SSH2: variants seen among roughly 807,000 people sequenced by gnomAD.
The protein encoded by SSH2 is protein phosphatase Slingshot homolog 2.
A neutral mutation model predicts 135.2 loss-of-function variants in SSH2; 37 were observed. The observed-to-expected ratio is 0.27, with a 90% CI of 0.21 to 0.36. The LOEUF (loss-of-function observed/expected upper bound fraction) is 0.36. Among genes scored for constraint, SSH2 ranks in the 10% least tolerant of loss-of-function variants. The pLI is 1.00. For missense variants in SSH2, 1,408 were observed against 1,765.3 expected, an observed-to-expected ratio of 0.80 and a Z score of 3.63; for synonymous variants, 628 against 646.2, an observed-to-expected ratio of 0.97 and a Z score of 0.43.
chr17:29,872,824 C>A (rs2065961193), intron 1 of SSH2, among the ~76,000 whole-genome samples: 1 of 151,812 alleles, frequency 6.6e-6, no homozygotes, highest in South Asian at 2.1e-4. Flanking sequence ...GGTGAAACCC[C>A]ATCTCTACTA....
intron 7 of SSH2, among the ~76,000 whole-genome samples, 179 bp downstream of exon 7, chr17:29,677,494 C>A (rs79008148): frequency 2.0e-5 from 3 of 152,044 alleles, no homozygotes; most frequent in African/African-American, 7.2e-5. Context: ...AGTGAGAGAC[C>A]CTGGCAAGTT....
chr17:29,864,873 C>T (rs540863196), intron 1 of SSH2, among the ~76,000 whole-genome samples: 119 of 152,306 alleles, frequency 7.8e-4, no homozygotes, highest in African/African-American at 2.8e-3. Flanking sequence ...GGCCCCACCC[C>T]TGATCTACCA....
At position 29,650,718 on chromosome 17, in the gene SSH2, C is replaced by T; in HGVS notation, c.1162G>A (p.Asp388Asn). 1 of 1,613,982 alleles carries T rather than the reference C, an allele frequency of 6.2e-7. No individual in the cohort carries two copies. The highest frequency in any genetic ancestry group is 8.5e-7 in the Non-Finnish European group (1 of 1,179,942). ...VFEYHNIRVY[D>N]EEATDLLAYW... ...GCCAGGAGATCCGTTGCCTCTTCATCATATACCCGAATGTTATGATACTCA... is the reference window on the plus strand; with the variant it reads ...GCCAGGAGATCCGTTGCCTCTTCATTATATACCCGAATGTTATGATACTCA... The change falls in exon 13 of 16, where the codon GAT becomes AAT. Residue 388 changes from aspartate (D) to asparagine (N), a missense_variant. Asp to Asn is a conservative substitution (Grantham distance 23, BLOSUM62 1). Around this residue, in one of 3 missense-constraint regions of SSH2, gnomAD observed 106 missense variants for 265.2 expected, o/e 0.40. Coordinates refer to ENST00000540801, the MANE Select transcript of SSH2 (RefSeq NM_001282129.2).
chr17:29,831,574 T>C (rs911022197), intron 2 of SSH2, among the ~76,000 whole-genome samples: 2 of 150,856 alleles, frequency 1.3e-5, no homozygotes, highest in Non-Finnish European at 3.0e-5. Context: ...CAACTGTTTA[T>C]CTTTTTTTTT....
chr17:29,702,838 T>G, intron 4 of SSH2, 121 bp downstream of exon 4: 2 of 845,570 alleles, frequency 2.4e-6, no homozygotes, highest in Non-Finnish European at 3.9e-6. Context: ...TACGGCCCTG[T>G]ACAATGCTTT....
intron 2 of SSH2, among the ~76,000 whole-genome samples, chr17:29,796,262 A>T (rs2042154029): frequency 6.6e-6 from 1 of 152,078 alleles, no homozygotes; most frequent in African/African-American, 2.4e-5. Flanking sequence ...TCATTTTATT[A>T]TTTAAAAAAT....
chr17:29,654,492 T>C (rs141171454), intron 12 of SSH2, among the ~76,000 whole-genome samples: 6 of 152,330 alleles, frequency 3.9e-5, no homozygotes, highest in South Asian at 2.1e-4. Flanking sequence ...AGGAGGCTTA[T>C]GGCTGAGAAA....
intron 1 of SSH2, among the ~76,000 whole-genome samples, chr17:29,872,578 G>T (rs567388059): frequency 6.6e-6 from 1 of 151,978 alleles, no homozygotes; most frequent in East Asian, 1.9e-4. Flanking sequence ...AACACAGCAA[G>T]ACCCCCATCT....
chr17:29,642,217 G>C (rs761544691), intron 14 of SSH2, among the ~76,000 whole-genome samples: 1 of 152,036 alleles, frequency 6.6e-6, no homozygotes, highest in African/African-American at 2.4e-5. Flanking sequence ...TGACCAATGT[G>C]CATCAGCTAA....
intron 11 of SSH2, among the ~76,000 whole-genome samples, 198 bp downstream of exon 11, chr17:29,666,669 C>T (rs763828453): frequency 2.6e-5 from 4 of 152,050 alleles, no homozygotes; most frequent in Admixed American, 6.6e-5. Context: ...GGCGACAGAG[C>T]GAGACTGTCA....
Position 29,631,298 on chromosome 17 carries a change from C to A in SSH2, c.3896G>T (p.Cys1299Phe), listed in dbSNP as rs111415381. 7 of 1,614,184 alleles carry A rather than the reference C, an allele frequency of 4.3e-6. No individual in the cohort carries two copies. Among genetic ancestry groups the A allele is most frequent in the African/African-American group, 4.0e-5 (3 of 75,042 alleles). ...KLGYLDLCKD[C>F]LPEREPASCE... ...GGAGGCAGGCTCCCTCTCTGGTAAG[C>A]AGTCTTTACAGAGGTCCAAGTAACC... The change falls in exon 16 of 16, where the codon TGC becomes TTC. Residue 1299 changes from cysteine (C) to phenylalanine (F), a missense_variant. Around this residue, in one of 3 missense-constraint regions of SSH2, gnomAD observed 1,080 missense variants for 1,144.5 expected, o/e 0.94. Transcript: ENST00000540801.
chr17:29,668,143 A>G (rs2037352329), intron 9 of SSH2, among the ~76,000 whole-genome samples: 1 of 152,192 alleles, frequency 6.6e-6, no homozygotes, highest in African/African-American at 2.4e-5. Flanking sequence ...AAATGGACTA[A>G]GCTTTCAGGC....
Position 29,632,929 on chromosome 17 carries a change from T to C in SSH2, c.2265A>G (p.Ala755=), listed in dbSNP as rs746328623. Residue 755 remains alanine (A), a splice_region_variant and synonymous_variant, in exon 16 of 16, where the codon GCA becomes GCG. Transcript: ENST00000540801. ...TGTCTGGGCTGACCAGTTCTGAAAT[T>C]GCCTAAGAAGAGAAAGTAGTGAGAA... ...ESSMDEEQSK[A]ISELVSPDIF... is the part of the protein sequence containing the mutation. The C allele has an allele frequency of 1.7e-5, 27 of 1,595,642 alleles. 2 individuals carry two copies. In the Admixed American group the frequency reaches 4.7e-4, roughly 28 times the overall value.
chr17:29,836,602 T>G (rs1181437203), intron 2 of SSH2, among the ~76,000 whole-genome samples: 1 of 152,230 alleles, frequency 6.6e-6, no homozygotes, highest in Non-Finnish European at 1.5e-5. Context: ...TAACATTTGT[T>G]TTTACTAACC....
chr17:29,859,759 T>C (rs1457913466), intron 1 of SSH2, among the ~76,000 whole-genome samples: 1 of 152,246 alleles, frequency 6.6e-6, no homozygotes, highest in African/African-American at 2.4e-5. Flanking sequence ...AACATACACA[T>C]GCATGTGTCA....
In SSH2 at chr17:29,736,299, T is replaced by C. The variant is rs539185101; in HGVS notation, c.189-33237A>G. ...CTAAACCTGTTGGACACTCTAGAAA[T>C]GTCAACAGCTACCCAGAGCATGCCA... On this transcript the variant is annotated intron_variant, in intron 3 of 15. Transcript: ENST00000540801. Among the ~76,000 whole-genome samples the C allele has an allele frequency of 3.3e-5, 5 of 152,248 alleles. No individual in the cohort carries two copies. In the South Asian group the frequency reaches 1.0e-3, roughly 32 times the overall value.
intron 3 of SSH2, among the ~76,000 whole-genome samples, chr17:29,763,946 CTTT>C (rs57261890): frequency 5.0e-5 from 7 of 139,722 alleles, no homozygotes; most frequent in Admixed American, 1.4e-4. Flanking sequence ...ATGTCTCCTG[CTTT>C]TTTTTTTTTT....
chr17:29,898,032 G>T (rs2066476577), intron 1 of SSH2, among the ~76,000 whole-genome samples: 1 of 152,022 alleles, frequency 6.6e-6, no homozygotes. Flanking sequence ...ATGACTACTG[G>T]GTACATAATG....
chr17:29,728,036 C>G (rs565914583), intron 3 of SSH2, among the ~76,000 whole-genome samples: 1 of 152,202 alleles, frequency 6.6e-6, no homozygotes, highest in East Asian at 1.9e-4. Flanking sequence ...CAAAAATTAG[C>G]TGGGCGTGGT....
Sources: gnomAD v4.1 joint callset for allele counts (sites outside exome capture counted in the v4.1 genomes callset) on GRCh38, gnomAD v4.1.1 for gene constraint, gnomAD v4.1.1 regional missense constraint, MANE v1.5 for transcripts, NCBI Gene and HGNC (gene_info 2026-07-23, HGNC 2026-07-21) for gene names.